The following NOX4 variants were observed in gnomAD, a reference collection of about 807,000 sequenced individuals.
NOX4 encodes kidney oxidase-1.
In NOX4, 69 loss-of-function variants were observed where a neutral mutation model predicts 87.6. That is an observed-to-expected ratio of 0.79 (90% confidence interval 0.65 to 0.96). The LOEUF is 0.96. Ranked by LOEUF, NOX4 falls within the 40% of genes least tolerant of loss-of-function variation. NOX4 has a pLI of 0.00. For synonymous variants in NOX4, 275 were observed against 238.2 expected (o/e 1.15, Z -1.42); for missense variants, 680 against 681.5 (o/e 1.00, Z 0.02).
At chr11:89,426,104 A>G (rs935930246) in intron 7 of NOX4, among the ~76,000 whole-genome samples, 1 of 152,188 alleles carries the variant, frequency 6.6e-6, no homozygotes, top group African/African-American at 2.4e-5. Flanking sequence ...TAACTATAAG[A>G]ATCAATATGA....
upstream of NOX4, among the ~76,000 whole-genome samples, chr11:89,492,709 C>T (rs1161161465): frequency 6.6e-6 from 1 of 152,108 alleles, no homozygotes; most frequent in East Asian, 1.9e-4. Flanking sequence ...GACCATGTGA[C>T]ACCTAAAGGA....
At chr11:89,404,061 G>C (rs1045957485) in intron 8 of NOX4, among the ~76,000 whole-genome samples, 3 of 152,016 alleles carry the variant, frequency 2.0e-5, no homozygotes, top group African/African-American at 7.2e-5. Flanking sequence ...TTTTTTTAAA[G>C]TAATACAGTA....
intron 11 of NOX4, among the ~76,000 whole-genome samples, chr11:89,386,725 C>A (rs920035837): frequency 2.6e-5 from 4 of 152,040 alleles, no homozygotes; most frequent in Non-Finnish European, 5.9e-5. Context: ...TTACCTAAAT[C>A]AATCTGGCCT....
At chr11:89,565,694 T>C in the NOX4 span, among the ~76,000 whole-genome samples, 1 of 151,776 alleles carries the variant, frequency 6.6e-6, no homozygotes, top group Non-Finnish European at 1.5e-5. Context: ...ACCTGCACAA[T>C]GTGCGCATGT....
intron 8 of NOX4, among the ~76,000 whole-genome samples, chr11:89,419,506 GA>G (rs1254797074): frequency 6.6e-6 from 1 of 151,476 alleles, no homozygotes; most frequent in African/African-American, 2.4e-5. Flanking sequence ...AAATTTCCTG[GA>G]AAAAATGTGC....
chr11:89,552,582 A>C, the NOX4 span, among the ~76,000 whole-genome samples: 1 of 152,174 alleles, frequency 6.6e-6, no homozygotes, highest in Non-Finnish European at 1.5e-5. Context: ...ACACTTCCTC[A>C]GTTACATTTA....
At chr11:89,426,965 C>A (rs1448476478) in intron 7 of NOX4, among the ~76,000 whole-genome samples, 5 of 152,188 alleles carry the variant, frequency 3.3e-5, no homozygotes. Context: ...AACTAGGAGG[C>A]ACTCCCCAGT....
At chr11:89,428,040 C>T (rs1008677223) in intron 7 of NOX4, among the ~76,000 whole-genome samples, 2 of 152,136 alleles carry the variant, frequency 1.3e-5, no homozygotes, top group Non-Finnish European at 2.9e-5. Context: ...ACTCTACAAG[C>T]CAGAAGAGAG....
intron 2 of NOX4, among the ~76,000 whole-genome samples, chr11:89,461,931 A>C (rs545645292): frequency 1.1e-4 from 17 of 152,104 alleles, no homozygotes; most frequent in African/African-American, 3.6e-4. Context: ...AGGACTCTAA[A>C]ATGTTTTCTA....
In NOX4 at chr11:89,435,194, A is replaced by G. The variant is rs964258905; in HGVS notation, c.476-2338T>C. On this transcript the variant is annotated intron_variant, in intron 6 of 17. Coordinates refer to ENST00000263317, the MANE Select transcript of NOX4 (RefSeq NM_016931.5). ...TCTCACTGTTTTCAAGTGTTAAAAAAGAAAACCTTTATTTGTCCACATGAA... is the reference window on the plus strand; with the variant it reads ...TCTCACTGTTTTCAAGTGTTAAAAAGGAAAACCTTTATTTGTCCACATGAA... Among the ~76,000 whole-genome samples the G allele has an allele frequency of 5.3e-5, 8 of 152,234 alleles. No individual in the cohort carries two copies. In the South Asian group the frequency reaches 8.3e-4, roughly 16 times the overall value.
At chr11:89,411,992 G>A (rs1942506060) in intron 8 of NOX4, among the ~76,000 whole-genome samples, 2 of 151,756 alleles carry the variant, frequency 1.3e-5, no homozygotes, top group African/African-American at 4.8e-5. Flanking sequence ...CCATGCCAAT[G>A]GAAACCAAAA....
the NOX4 span, among the ~76,000 whole-genome samples, chr11:89,508,073 T>C: frequency 6.6e-6 from 1 of 152,068 alleles, no homozygotes; most frequent in Non-Finnish European, 1.5e-5. Context: ...TAAATAAACA[T>C]GCTTTTAAAA....
At chr11:89,567,962 T>A in the NOX4 span, among the ~76,000 whole-genome samples, 6 of 152,292 alleles carry the variant, frequency 3.9e-5, no homozygotes, top group East Asian at 9.7e-4. Flanking sequence ...GATGCCACTA[T>A]CCTGATGAAG....
the NOX4 span, among the ~76,000 whole-genome samples, chr11:89,580,363 G>A: frequency 6.6e-6 from 1 of 151,876 alleles, no homozygotes; most frequent in Non-Finnish European, 1.5e-5. Flanking sequence ...TTTATTTTTT[G>A]TAGAGATGAG....
At chr11:89,395,742 T>A (rs1378101882) in intron 11 of NOX4, among the ~76,000 whole-genome samples, 4 of 152,200 alleles carry the variant, frequency 2.6e-5, no homozygotes, top group South Asian at 2.1e-4. Context: ...TTTTCCCAGC[T>A]CCATTTATTA....
chr11:89,368,517 A>G (rs1939189907), intron 12 of NOX4, among the ~76,000 whole-genome samples: 1 of 152,100 alleles, frequency 6.6e-6, no homozygotes, highest in Non-Finnish European at 1.5e-5. Context: ...TACATAACAG[A>G]AGAGCAAAAG....
chr11:89,465,455 G>C (rs1447460675), intron 2 of NOX4, among the ~76,000 whole-genome samples: 2 of 152,134 alleles, frequency 1.3e-5, no homozygotes, highest in Non-Finnish European at 2.9e-5. Flanking sequence ...ACATGTGCAT[G>C]TGTCTTTATA....
At chr11:89,507,751 G>A in the NOX4 span, among the ~76,000 whole-genome samples, 1 of 151,882 alleles carries the variant, frequency 6.6e-6, no homozygotes, top group Admixed American at 6.6e-5. Context: ...CAGCCTAGTA[G>A]TTTGCACATG....
chr11:89,450,527 A>C (rs2135385369), intron 3 of NOX4, among the ~76,000 whole-genome samples: 1 of 152,256 alleles, frequency 6.6e-6, no homozygotes, highest in African/African-American at 2.4e-5. Context: ...GTTTTCTTAC[A>C]TACTTCATTT....
Sources: gnomAD v4.1 joint callset for allele counts (sites outside exome capture counted in the v4.1 genomes callset) on GRCh38, gnomAD v4.1.1 for gene constraint, MANE v1.5 for transcripts, NCBI Gene and HGNC (gene_info 2026-07-23, HGNC 2026-07-21) for gene names.